ZNF610: variants seen among roughly 807,000 people sequenced by gnomAD.
The protein encoded by ZNF610 is zinc finger protein 610, also known as zink finger protein.
Under a neutral mutation model 14.1 loss-of-function variants are expected in ZNF610, and 14 were observed. That is an observed-to-expected ratio of 0.99 (90% CI 0.65 to 1.55). The LOEUF (loss-of-function observed/expected upper bound fraction) is 1.55. Ranked by LOEUF, ZNF610 falls within the 40% of genes most tolerant of loss-of-function variation. The pLI, the probability that ZNF610 is intolerant of heterozygous loss-of-function variation, is 0.00. For synonymous variants in ZNF610, 185 were observed against 187.6 expected (o/e 0.99, Z 0.11); for missense variants, 530 against 558.0 (o/e 0.95, Z 0.51).
chr19:52,337,431 A>C (rs955429843), intron 1 of ZNF610, among the ~76,000 whole-genome samples: 2 of 152,108 alleles, frequency 1.3e-5, no homozygotes, highest in African/African-American at 4.8e-5. Flanking sequence ...GGGGACAATC[A>C]AAAATTGGAC....
chr19:52,336,640 C>T (rs1375365526), intron 1 of ZNF610, 134 bp downstream of exon 1: 1 of 155,696 alleles, frequency 6.4e-6, no homozygotes, highest in Admixed American at 6.5e-5. Flanking sequence ...CCCCCGGCCC[C>T]TGAAGCGCAG....
intron 5 of ZNF610, among the ~76,000 whole-genome samples, chr19:52,362,621 C>T (rs1440259147): frequency 6.6e-6 from 1 of 152,102 alleles, no homozygotes; most frequent in African/African-American, 2.4e-5. Flanking sequence ...TTCTGTTTTC[C>T]TTTCCTTTTC....
At chr19:52,359,921 C>T (rs1985699749) in intron 5 of ZNF610, among the ~76,000 whole-genome samples, 2 of 152,130 alleles carry the variant, frequency 1.3e-5, no homozygotes, top group African/African-American at 4.8e-5. Flanking sequence ...ACAGAACTCA[C>T]AGAAACACTT....
chr19:52,351,457 G>GA lies in ZNF610; in HGVS notation c.64-2213dup, dbSNP rs1018288016. On this transcript the variant is annotated intron_variant, in intron 3 of 5. Coordinates refer to ENST00000403906, the MANE Select transcript of ZNF610 (RefSeq NM_001161425.2). ...GGCGACACAGCGAGACTGTCTCAAA[G>GA]AAAAAAAAAAAAGAAAGAAATCAGT... is the stretch of plus-strand genomic sequence containing the variant. Among the ~76,000 whole-genome samples, 338 of 139,778 alleles carry GA rather than the reference G, an allele frequency of 2.4e-3. 2 individuals carry two copies. The highest frequency in any genetic ancestry group is 4.5e-3 in the South Asian group (20 of 4,396). 91.7% of individuals were successfully genotyped at this position (139,778 alleles called of 152,430 possible).
At chr19:52,345,926 G>C (rs183804070) in intron 1 of ZNF610, among the ~76,000 whole-genome samples, 11 of 150,992 alleles carry the variant, frequency 7.3e-5, no homozygotes, top group East Asian at 3.9e-4. Flanking sequence ...GGATGGTCTC[G>C]ATCTCCTGAC....
chr19:52,366,892 T>C lies in ZNF610; in HGVS notation c.*125T>C. 1 of 691,762 alleles carries C rather than the reference T, an allele frequency of 1.4e-6. No homozygotes were observed. The allele number at this position is 691,762 out of a possible 1,614,324, so 42.9% of individuals were successfully genotyped here. ...TTGCATTGAAGCCTCATCACTCATC[T>C]CTTGATCCACACTGAAAGGAAACCC... is the stretch of plus-strand genomic sequence containing the variant. On this transcript the variant is annotated 3_prime_UTR_variant, in exon 6 of 6. Coordinates refer to ENST00000403906, the MANE Select transcript of ZNF610 (RefSeq NM_001161425.2).
At chr19:52,340,900 C>T (rs546794944) in intron 1 of ZNF610, among the ~76,000 whole-genome samples, 6 of 151,976 alleles carry the variant, frequency 3.9e-5, no homozygotes, top group South Asian at 2.1e-4. Context: ...AGGCTGGTCT[C>T]GGACTCCTGA....
At chr19:52,332,429 G>A (rs1984235743), upstream of ZNF610, among the ~76,000 whole-genome samples, 1 of 152,152 alleles carries the variant, frequency 6.6e-6, no homozygotes, top group African/African-American at 2.4e-5. The surrounding 1 kb of genome is among the most constrained non-coding windows in gnomAD (Gnocchi z 4.1). Flanking sequence ...TCCACTTGGA[G>A]TTCAGTTTGT....
Position 52,348,743 on chromosome 19 carries a change from G to A in ZNF610, c.-19-411G>A, listed in dbSNP as rs144422409. On this transcript the variant is annotated intron_variant, in intron 2 of 5. Coordinates refer to ENST00000403906, the MANE Select transcript of ZNF610 (RefSeq NM_001161425.2). ...TTGGAACATATCCTCATGGATACGG[G>A]GATTCCAGTGTGTTCTGTCTCTGGC... Among the ~76,000 whole-genome samples the A allele has an allele frequency of 3.5e-3, 527 of 152,244 alleles. 3 individuals are homozygous for A. Among genetic ancestry groups the A allele is most frequent in the African/African-American group, 0.012 (503 of 41,558 alleles).
chr19:52,335,834 T>C (rs186105476), upstream of ZNF610, among the ~76,000 whole-genome samples: 20 of 152,276 alleles, frequency 1.3e-4, no homozygotes, highest in Admixed American at 4.6e-4. Flanking sequence ...ATTAAATTGT[T>C]AAAATTAGTT....
chr19:52,363,123 T>G (rs1418379376), intron 5 of ZNF610, among the ~76,000 whole-genome samples: 1 of 145,358 alleles, frequency 6.9e-6, no homozygotes, highest in African/African-American at 2.6e-5. Flanking sequence ...TTTGGTTCTA[T>G]CCCCTTTTTT....
chr19:52,337,061 C>T (rs534841627), intron 1 of ZNF610, among the ~76,000 whole-genome samples: 1 of 151,994 alleles, frequency 6.6e-6, no homozygotes, highest in Non-Finnish European at 1.5e-5. Flanking sequence ...TGAATGAAGC[C>T]GAGAATGTAG....
At chr19:52,353,539 T>C in intron 3 of ZNF610, 143 bp from the exon 4 acceptor site, 1 of 880,692 alleles carries the variant, frequency 1.1e-6, no homozygotes, top group Non-Finnish European at 1.7e-6. Flanking sequence ...AATGTGAACA[T>C]TTACTAGAGA....
intron 5 of ZNF610, among the ~76,000 whole-genome samples, chr19:52,362,918 T>C (rs2560878): frequency 0.48 from 72,252 of 151,948 alleles, 17,692 homozygotes; most frequent in South Asian, 0.62. Context: ...TCATATCTAA[T>C]GAGGCTATAG....
chr19:52,348,721 G>A (rs2122211414), intron 2 of ZNF610, among the ~76,000 whole-genome samples: 1 of 152,292 alleles, frequency 6.6e-6, no homozygotes, highest in Admixed American at 6.5e-5. Flanking sequence ...GGGCATCTTG[G>A]AACATATCCT....
At chr19:52,342,323 C>T (rs1266054610) in intron 1 of ZNF610, among the ~76,000 whole-genome samples, 1 of 152,036 alleles carries the variant, frequency 6.6e-6, no homozygotes, top group Non-Finnish European at 1.5e-5. Context: ...TACATTTCTT[C>T]CTCTAGGAAG....
chr19:52,361,096 A>G (rs950918639), intron 5 of ZNF610, among the ~76,000 whole-genome samples: 6 of 151,336 alleles, frequency 4.0e-5, no homozygotes, highest in East Asian at 1.9e-4. Context: ...TAGTGTTTCT[A>G]CTTCTTCATG....
At chr19:52,357,974 G>T (rs936218757) in intron 5 of ZNF610, among the ~76,000 whole-genome samples, 3 of 152,126 alleles carry the variant, frequency 2.0e-5, no homozygotes, top group Non-Finnish European at 2.9e-5. Flanking sequence ...CAGCCTCGGG[G>T]TGTTCAGCTG....
At chr19:52,348,229 T>TG in intron 2 of ZNF610, 1 of 152,324 alleles carries the variant, frequency 6.6e-6, no homozygotes, top group Non-Finnish European at 1.5e-5. Context: ...AAGCAGTGCA[T>TG]GACTGTATTT....
Sources: allele counts gnomAD v4.1 joint callset (sites outside exome capture counted in the v4.1 genomes callset), GRCh38; gene constraint gnomAD v4.1.1; non-coding constraint Gnocchi (gnomAD v3.1); transcripts MANE v1.5; gene names NCBI Gene and HGNC (gene_info 2026-07-23, HGNC 2026-07-21).